Variants in RNF213 observed in about 807,000 individuals in gnomAD.
RNF213 encodes the protein E3 ubiquitin-protein ligase RNF213.
Under a neutral mutation model 514.4 loss-of-function variants are expected in RNF213, and 341 were observed. That is an observed-to-expected ratio of 0.66 (90% confidence interval 0.61 to 0.73). RNF213 has a LOEUF of 0.73. RNF213 is among the 30% of genes least tolerant of loss of function. The pLI is 0.00. For missense variants in RNF213, 5,767 were observed against 6,615.6 expected, an observed-to-expected ratio of 0.87 and a Z score of 4.45; for synonymous variants, 2,655 against 2,658.2, an observed-to-expected ratio of 1.00 and a Z score of 0.04.
At chr17:80,368,271 T>C (rs1478129574) in intron 44 of RNF213, 128 bp downstream of exon 44, 1 of 973,344 alleles carries the variant, frequency 1.0e-6, no homozygotes, top group East Asian at 2.4e-5. Flanking sequence ...AGAACTATCA[T>C]AAGAGACGCC....
rs1443764553 is a variant in RNF213, at chr17:80,358,318, T to C, written c.10893T>C (p.Ala3631=). 1.9e-6 allele frequency: 3 copies of C among 1,614,136 alleles called. No individual in the cohort carries two copies. In the Admixed American group the frequency reaches 5.0e-5, roughly 27 times the overall value. Residue 3631 remains alanine, a synonymous_variant, in exon 37 of 68, where the codon GCT becomes GCC. Transcript: ENST00000582970. ...RHTLWKRVQG[A]VTPLLASMIS... Reference sequence around the variant, plus strand: ...CCCTCTGGAAGCGGGTCCAAGGTGCTGTCACCCCTCTGCTGGCGAGCATGA... The same window carrying C: ...CCCTCTGGAAGCGGGTCCAAGGTGCCGTCACCCCTCTGCTGGCGAGCATGA...
rs1265171217 is a variant in RNF213 at position 80,395,424 on chromosome 17, G to C, written c.*1926G>C. 5 of 152,192 alleles carry C rather than the reference G, an allele frequency of 3.3e-5. No individual in the cohort carries two copies. The highest frequency in any genetic ancestry group is 7.3e-5 in the Non-Finnish European group (5 of 68,048). 9.4% of individuals were successfully genotyped at this position (152,192 alleles called of 1,614,324 possible). On this transcript the variant is annotated 3_prime_UTR_variant, in exon 68 of 68. Transcript: ENST00000582970. ...GTCCTTTAGAAGCACCCATGAAGTA[G>C]TGTGTTCAGACTGTGCACACAGAAA... is the stretch of plus-strand genomic sequence containing the variant.
In RNF213 at chr17:80,332,270, A is replaced by G; in HGVS notation, c.3782A>G (p.Glu1261Gly). 2.6e-6 allele frequency: 4 copies of G among 1,537,234 alleles called. No individual in the cohort carries two copies. The highest frequency in any genetic ancestry group is 3.5e-6 in the Non-Finnish European group (4 of 1,146,916). The part of the protein sequence containing the change: ...QEAAELLSEP[E>G]EESERHILEL... The stretch of plus-strand genomic sequence containing the variant: ...GCCGCAGAGTTGCTGAGTGAGCCCG[A>G]AGAAGAATCAGAAAGGCACATCCTT... The change falls in exon 21 of 68, where the codon GAA becomes GGA. Residue 1261 changes from glutamate (E) to glycine (G), a missense_variant. Glu to Gly is a moderately conservative substitution (Grantham distance 98). This residue lies in a region of RNF213 where 516 missense variants were observed against 566.5 expected (regional missense o/e 0.91). Coordinates refer to ENST00000582970, the MANE Select transcript of RNF213 (RefSeq NM_001256071.3).
chr17:80,290,779 G>C (rs770403387), intron 7 of RNF213, 51 bp downstream of exon 7: 2 of 1,606,328 alleles, frequency 1.2e-6, no homozygotes, highest in Non-Finnish European at 8.5e-7. Flanking sequence ...GGCATAGGAT[G>C]CCCAGCCTGT....
intron 32 of RNF213, chr17:80,352,337 G>T (rs2078554216): frequency 4.2e-6 from 1 of 236,582 alleles, no homozygotes; most frequent in Admixed American, 5.1e-5. Context: ...ACCTCTCCTG[G>T]ACTGACTCTA....
Position 80,377,681 on chromosome 17 carries a change from G to A in RNF213, c.13511-81G>A, listed in dbSNP as rs149653984. On this transcript the variant is annotated intron_variant, in intron 53 of 67. Transcript: ENST00000582970. This position sits in a 1 kb window ranked among gnomAD's most constrained non-coding sequence, Gnocchi z 4.1. ...CTCATATTGTGGTCAGGGCCAGAGA[G>A]TAGAGAGTTAGCTTTCCCTTTTCAA... 9.9e-5 allele frequency: 149 copies of A among 1,498,958 alleles called. No homozygotes were observed. In the East Asian group the frequency reaches 3.3e-3, roughly 33 times the overall value. 92.9% of individuals were successfully genotyped at this position (1,498,958 alleles called of 1,614,324 possible).
At chr17:80,307,362 G>GT (rs58826434) in intron 13 of RNF213, among the ~76,000 whole-genome samples, 161 bp downstream of exon 13, 35,479 of 113,634 alleles carry the variant, frequency 0.31, 6,528 homozygotes, top group African/African-American at 0.36. Context: ...ATTGTCGTCT[G>GT]TTTTTTTTTT....
Position 80,352,980 on chromosome 17 carries a change from C to T in RNF213, c.10344C>T (p.Ser3448=), listed in dbSNP as rs2078585700. 1.2e-6 allele frequency: 2 copies of T among 1,613,872 alleles called. No individual in the cohort carries two copies. The highest frequency in any genetic ancestry group is 2.7e-5 in the African/African-American group (2 of 74,984). The change falls in exon 33 of 68, where the codon TCC becomes TCT. Residue 3448 remains serine, a synonymous_variant. Transcript: ENST00000582970. Reference sequence around the variant, plus strand: ...TCCACATCGATGACCTCCGGAGATCCACCCTCATGGTTTCTGATGTGACCA... The same window carrying T: ...TCCACATCGATGACCTCCGGAGATCTACCCTCATGGTTTCTGATGTGACCA... ...QSVHIDDLRR[S]TLMVSDVTRL... is the part of the protein sequence containing the mutation.
chr17:80,328,116 C>G lies in RNF213; in HGVS notation c.3367+127C>G, dbSNP rs1041848845. ...TTAGCCTTGATAATGAGTATCTCTTCTTGCTCATAAGTTGATAGGGGTGGT... is the reference window on the plus strand; with the variant it reads ...TTAGCCTTGATAATGAGTATCTCTTGTTGCTCATAAGTTGATAGGGGTGGT... On this transcript the variant is annotated intron_variant, in intron 19 of 67. Coordinates refer to ENST00000582970, the MANE Select transcript of RNF213 (RefSeq NM_001256071.3). The G allele has an allele frequency of 1.1e-5, 13 of 1,221,080 alleles. No homozygotes were observed. The African/African-American group carries it at 1.8e-4, about 17-fold the overall frequency. The allele number at this position is 1,221,080 out of a possible 1,614,324, so 75.6% of individuals were successfully genotyped here.
intron 17 of RNF213, among the ~76,000 whole-genome samples, chr17:80,324,174 T>C (rs2046219934): frequency 6.6e-6 from 1 of 152,246 alleles, no homozygotes; most frequent in African/African-American, 2.4e-5. Flanking sequence ...TGTTCTGATC[T>C]TAAGAGAAGG....
At chr17:80,356,094 T>G (rs935452392) in intron 36 of RNF213, among the ~76,000 whole-genome samples, 1 of 151,652 alleles carries the variant, frequency 6.6e-6, no homozygotes, top group African/African-American at 2.4e-5. Flanking sequence ...TTCCACCTCC[T>G]GGGTTCAAGC....
chr17:80,354,919 C>T (rs895835981), intron 36 of RNF213: 5 of 378,112 alleles, frequency 1.3e-5, no homozygotes, highest in South Asian at 2.2e-5. Flanking sequence ...GTTAAAATGA[C>T]GTGCAGAGCA....
Position 80,385,319 on chromosome 17 carries a change from T to G in RNF213, c.14455+148T>G, listed in dbSNP as rs536783127. 6.4e-6 allele frequency: 7 copies of G among 1,094,738 alleles called. No homozygotes were observed. In the Admixed American group the frequency reaches 1.2e-4, roughly 18 times the overall value. The allele number at this position is 1,094,738 out of a possible 1,614,324, so 67.8% of individuals were successfully genotyped here. A position where few individuals can be genotyped will look rare whatever the true frequency, so the allele number is the denominator to read the frequency against. ...CCCTTACCATGCGGTGAAGGGTGCT[T>G]GAACCCCAAAAACATATTAGAAGCT... On this transcript the variant is annotated intron_variant, in intron 60 of 67. Transcript: ENST00000582970.
At position 80,393,436 on chromosome 17, in the gene RNF213, G is replaced by A. The variant is rs762913878; in HGVS notation, c.15562G>A (p.Ala5188Thr). The change falls in exon 68 of 68, where the codon GCC (alanine) becomes ACC (threonine). Residue 5188 changes from alanine (A) to threonine (T), a missense_variant. Physicochemically the swap from Ala to Thr is moderately conservative, Grantham distance 58 (BLOSUM62 0). Transcript: ENST00000582970. ...ASQFPEEILL[A>T]SCVSVWKTAA... ...TCAGTTCCCAGAAGAGATACTGCTCGCCAGCTGTGTCTCAGTGTGGAAAAC... is the reference window on the plus strand; with the variant it reads ...TCAGTTCCCAGAAGAGATACTGCTCACCAGCTGTGTCTCAGTGTGGAAAAC... The A allele has an allele frequency of 3.7e-6, 6 of 1,614,032 alleles. No homozygotes were observed. Among genetic ancestry groups the A allele is most frequent in the Non-Finnish European group, 5.1e-6 (6 of 1,180,008 alleles).
Position 80,288,645 on chromosome 17 carries a change from G to A in RNF213, c.823G>A (p.Val275Ile), listed in dbSNP as rs147971398. 82 of 1,614,174 alleles carry A rather than the reference G, an allele frequency of 5.1e-5. 1 individual carries two copies. In the African/African-American group the frequency reaches 8.9e-4, roughly 18 times the overall value. ...TGGGGTCTTTCAGGCAGTTGATGCT[G>A]TAGCTGAGCCAGCCAATGCAGTTAA... Reference protein sequence around the residue: ...GASASMAVDAVAEPANAVKGA... With the variant: ...GASASMAVDAIAEPANAVKGA... The change falls in exon 5 of 68, where the codon GTA becomes ATA. Residue 275 changes from valine (V) to isoleucine (I), a missense_variant. This residue lies in a region of RNF213 where 509 missense variants were observed against 496.7 expected (regional missense o/e 1.02). Transcript: ENST00000582970. This position sits in a 1 kb window ranked among gnomAD's most constrained non-coding sequence, Gnocchi z 4.9.
chr17:80,276,212 T>C (rs562614707), intron 3 of RNF213, among the ~76,000 whole-genome samples: 1 of 152,094 alleles, frequency 6.6e-6, no homozygotes, highest in Non-Finnish European at 1.5e-5. Context: ...GCGATTCTCC[T>C]GCCTCAGCCT....
intron 23 of RNF213, 92 bp downstream of exon 23, chr17:80,336,470 T>C (rs759090946): frequency 1.8e-6 from 2 of 1,124,090 alleles, no homozygotes; most frequent in Non-Finnish European, 2.6e-6. Context: ...GTGGCACACC[T>C]GTGTGGTAGG....
rs141491783 is a variant in RNF213 at position 80,298,190 on chromosome 17, T to C, written c.2013-131T>C. On this transcript the variant is annotated intron_variant, in intron 10 of 67. Transcript: ENST00000582970. The stretch of plus-strand genomic sequence containing the variant: ...GCCCTGTCTCCTGCGTGAGTTAAAC[T>C]CTGCTCAGCCACGCGCGGTGCTCCT... The C allele has an allele frequency of 1.7e-4, 162 of 929,400 alleles. 1 individual carries two copies. In the East Asian group the frequency reaches 2.0e-3, roughly 12 times the overall value. 57.6% of individuals were successfully genotyped at this position (929,400 alleles called of 1,614,324 possible). A position where few individuals can be genotyped will look rare whatever the true frequency, so the allele number is the denominator to read the frequency against.
intron 15 of RNF213, among the ~76,000 whole-genome samples, chr17:80,313,684 TG>T (rs1568051502): frequency 6.9e-6 from 1 of 145,042 alleles, no homozygotes; most frequent in Non-Finnish European, 1.5e-5. Flanking sequence ...ATGGAGGTGA[TG>T]GTGGTGGTGA....
Sources: allele counts gnomAD v4.1 joint callset (sites outside exome capture counted in the v4.1 genomes callset), GRCh38; gene constraint gnomAD v4.1.1; regional missense constraint gnomAD v4.1.1; non-coding constraint Gnocchi (gnomAD v3.1); transcripts MANE v1.5; gene names NCBI Gene and HGNC (gene_info 2026-07-23, HGNC 2026-07-21).